APLF: variants seen among roughly 807,000 people sequenced by gnomAD.
The protein encoded by APLF is aprataxin and PNKP like factor.
In APLF, 61 loss-of-function variants were observed where a neutral mutation model predicts 55.6. The ratio of observed to expected loss-of-function variants is 1.10; its 90% CI spans 0.89 to 1.36. The LOEUF is 1.36. Ranked by LOEUF, APLF falls within the 40% of genes most tolerant of loss-of-function variation. APLF has a pLI of 0.00. For missense variants in APLF, 611 were observed against 602.5 expected (o/e 1.01, Z -0.15); for synonymous variants, 207 against 214.8 (o/e 0.96, Z 0.32).
At chr2:68,528,721 G>T (rs1217588939) in intron 6 of APLF, 16 of 1,511,104 alleles carry the variant, frequency 1.1e-5, no homozygotes, top group Non-Finnish European at 1.3e-5. Context: ...AGGGAAGGAT[G>T]CCTCCAGCAG....
At chr2:68,470,111 T>C (rs1479766592) in intron 1 of APLF, among the ~76,000 whole-genome samples, 3 of 152,240 alleles carry the variant, frequency 2.0e-5, no homozygotes, top group African/African-American at 4.8e-5. Context: ...GGTCTTTGTT[T>C]ACTAGATTTT....
chr2:68,483,822 A>T (rs1676043394), intron 1 of APLF, among the ~76,000 whole-genome samples: 2 of 152,160 alleles, frequency 1.3e-5, no homozygotes, highest in South Asian at 4.1e-4. Flanking sequence ...TATGTACAGG[A>T]ACCAAGTTAC....
chr2:68,516,973 A>AATATATGT (rs1378124939), intron 5 of APLF, among the ~76,000 whole-genome samples: 3 of 126,064 alleles, frequency 2.4e-5, no homozygotes, highest in African/African-American at 9.3e-5. Context: ...ATAATATAAT[A>AATATATGT]TAATATAATT....
intron 9 of APLF, 137 bp from the exon 10 acceptor site, chr2:68,577,683 T>C: frequency 9.7e-7 from 1 of 1,030,682 alleles, no homozygotes; most frequent in Non-Finnish European, 1.4e-6. Context: ...TAGTGCCGTT[T>C]CCAGAAATTT....
chr2:68,485,296 C>CAT (rs1676129367), intron 1 of APLF, among the ~76,000 whole-genome samples: 6 of 152,078 alleles, frequency 3.9e-5, no homozygotes, highest in African/African-American at 1.4e-4. Context: ...TCTGTGAGTC[C>CAT]AGGCCAGTTA....
chr2:68,495,916 G>C (rs1009639173), intron 2 of APLF, among the ~76,000 whole-genome samples: 1 of 152,222 alleles, frequency 6.6e-6, no homozygotes, highest in Admixed American at 6.5e-5. Context: ...AGCCAGAGCA[G>C]TGGGAATATG....
chr2:68,568,606 T>C (rs936316548), intron 9 of APLF, among the ~76,000 whole-genome samples: 2 of 152,146 alleles, frequency 1.3e-5, no homozygotes, highest in Non-Finnish European at 2.9e-5. Flanking sequence ...GTATATATTG[T>C]TGACAAATTA....
chr2:68,515,238 T>G (rs1193231353), intron 5 of APLF, among the ~76,000 whole-genome samples: 1 of 151,688 alleles, frequency 6.6e-6, no homozygotes, highest in African/African-American at 2.4e-5. Flanking sequence ...TGCAGTAAGT[T>G]ATTCTACTAC....
chr2:68,566,753 A>G (rs1395637024), intron 8 of APLF, among the ~76,000 whole-genome samples: 8 of 152,128 alleles, frequency 5.3e-5, no homozygotes, highest in Admixed American at 5.3e-4. Flanking sequence ...AAGGGATCAT[A>G]AGTACGTATA....
intron 8 of APLF, among the ~76,000 whole-genome samples, chr2:68,558,572 G>T (rs993890664): frequency 1.3e-5 from 2 of 152,130 alleles, no homozygotes; most frequent in African/African-American, 4.8e-5. Context: ...TAAATATTGA[G>T]CATCTAAAAT....
At chr2:68,513,494 C>A (rs1669471541) in intron 4 of APLF, 54 bp from the exon 5 acceptor site, 3 of 1,587,456 alleles carry the variant, frequency 1.9e-6, no homozygotes, top group Non-Finnish European at 2.6e-6. Flanking sequence ...AGATATTTTG[C>A]AAATTCATTC....
At chr2:68,518,859 ATG>A (rs1669777527) in intron 5 of APLF, among the ~76,000 whole-genome samples, 8 of 126,562 alleles carry the variant, frequency 6.3e-5, no homozygotes, top group African/African-American at 1.9e-4. Context: ...TACTAATATT[ATG>A]TCATTAATAT....
chr2:68,578,080 T>G lies in APLF; in HGVS notation c.*58T>G, dbSNP rs1019456368. 4 of 1,554,536 alleles carry G rather than the reference T, an allele frequency of 2.6e-6. No homozygotes were observed. Among genetic ancestry groups the G allele is most frequent in the Non-Finnish European group, 2.6e-6 (3 of 1,152,014 alleles). On this transcript the variant is annotated 3_prime_UTR_variant, in exon 10 of 10. Coordinates refer to ENST00000303795, the MANE Select transcript of APLF (RefSeq NM_173545.3). Reference sequence around the variant, plus strand: ...TTTACTTTTTCTTTGTGGGAAAACATTTATGAACTAAGGAGGTACTTAAGT... The same window carrying G: ...TTTACTTTTTCTTTGTGGGAAAACAGTTATGAACTAAGGAGGTACTTAAGT...
At chr2:68,493,930 A>T (rs1000044288) in intron 2 of APLF, among the ~76,000 whole-genome samples, 4 of 151,972 alleles carry the variant, frequency 2.6e-5, no homozygotes, top group African/African-American at 9.7e-5. Context: ...AACATGGTGA[A>T]ACCCCGTCTC....
Position 68,578,010 on chromosome 2 carries a change from G to A in APLF, c.1524G>A (p.Met508Ile). ...TTTTGAAAGAAGCAAAAAGGTTTAT[G>A]AAAAGAAAATAGTAACTAACTTCTG... ...EELLKEAKRF[M>I]KRK The change falls in exon 10 of 10, where the codon ATG (methionine) becomes ATA (isoleucine). Residue 508 changes from methionine (M) to isoleucine (I), a missense_variant. Met to Ile is a conservative substitution (Grantham distance 10). Coordinates refer to ENST00000303795, the MANE Select transcript of APLF (RefSeq NM_173545.3). 1.2e-6 allele frequency: 2 copies of A among 1,612,262 alleles called. No homozygotes were observed. The highest frequency in any genetic ancestry group is 1.7e-4 in the Middle Eastern group (1 of 6,048).
At chr2:68,573,238 T>A (rs1158507223) in intron 9 of APLF, among the ~76,000 whole-genome samples, 1 of 152,226 alleles carries the variant, frequency 6.6e-6, no homozygotes, top group East Asian at 1.9e-4. Context: ...CTTCAAGTAG[T>A]CAAGCTGTCA....
intron 3 of APLF, among the ~76,000 whole-genome samples, chr2:68,508,031 T>C (rs1676924830): frequency 6.6e-6 from 1 of 151,858 alleles, no homozygotes; most frequent in South Asian, 2.1e-4. Context: ...TTTATAATTA[T>C]TTAAAATGTA....
chr2:68,574,498 CA>C (rs973881429), intron 9 of APLF, among the ~76,000 whole-genome samples: 42 of 152,130 alleles, frequency 2.8e-4, no homozygotes, highest in Non-Finnish European at 4.6e-4. Context: ...CTTGGCTCTT[CA>C]AGTGTTTTCA....
chr2:68,526,024 A>C, intron 5 of APLF, 37 bp from the exon 6 acceptor site: 2 of 1,550,196 alleles, frequency 1.3e-6, no homozygotes, highest in Non-Finnish European at 1.7e-6. Context: ...TTGAAGATAC[A>C]GAAGATAATT....
Sources: allele counts gnomAD v4.1 joint callset (sites outside exome capture counted in the v4.1 genomes callset), GRCh38; gene constraint gnomAD v4.1.1; transcripts MANE v1.5; gene names NCBI Gene and HGNC (gene_info 2026-07-23, HGNC 2026-07-21).